Variants in HDAC4 observed in about 807,000 individuals in gnomAD.
HDAC4 encodes histone deacetylase A.
In HDAC4, 16 loss-of-function variants were observed where a neutral mutation model predicts 135.1. The observed-to-expected ratio is 0.12, with a 90% confidence interval of 0.08 to 0.18. The LOEUF is 0.18. HDAC4 is among the 10% of genes least tolerant of loss of function. The pLI is 1.00. For missense variants in HDAC4, 1,143 were observed against 1,511.8 expected, an observed-to-expected ratio of 0.76 and a Z score of 4.05; for synonymous variants, 685 against 653.4, an observed-to-expected ratio of 1.05 and a Z score of -0.74.
intron 5 of HDAC4, among the ~76,000 whole-genome samples, chr2:239,166,031 A>C (rs527272946): frequency 1.8e-4 from 27 of 152,312 alleles, no homozygotes; most frequent in African/African-American, 6.5e-4. Flanking sequence ...ACTGCTAATA[A>C]ATGATTAATA....
intron 5 of HDAC4, among the ~76,000 whole-genome samples, chr2:239,172,422 A>AT: frequency 6.6e-6 from 1 of 152,072 alleles, no homozygotes; most frequent in African/African-American, 2.4e-5. Context: ...TATATCAATA[A>AT]TTACATTAAA....
intron 24 of HDAC4, among the ~76,000 whole-genome samples, chr2:239,063,403 A>C (rs2033060929): frequency 6.6e-6 from 1 of 151,180 alleles, no homozygotes; most frequent in Non-Finnish European, 1.5e-5. Context: ...ACGGGGTTTC[A>C]CCATGTTAGC....
intron 2 of HDAC4, among the ~76,000 whole-genome samples, chr2:239,255,921 C>G (rs1252011815): frequency 1.3e-5 from 2 of 152,174 alleles, no homozygotes; most frequent in Non-Finnish European, 2.9e-5. Context: ...GAGAAATAAT[C>G]AGCAAAAGAT....
chr2:239,383,218 C>G (rs1480495181), intron 1 of HDAC4, among the ~76,000 whole-genome samples: 1 of 152,174 alleles, frequency 6.6e-6, no homozygotes, highest in Non-Finnish European at 1.5e-5. Context: ...GACCCTGGCT[C>G]CAGCCCACAG....
intron 17 of HDAC4, chr2:239,094,251 C>T (rs1378098744): frequency 5.1e-6 from 5 of 985,322 alleles, no homozygotes; most frequent in Middle Eastern, 5.2e-4. Context: ...GCCACCCCTG[C>T]CCAGGCTGCA....
At chr2:239,151,986 C>T (rs966014499) in intron 7 of HDAC4, among the ~76,000 whole-genome samples, 1 of 152,072 alleles carries the variant, frequency 6.6e-6, no homozygotes, top group African/African-American at 2.4e-5. Context: ...GGCTGGACAA[C>T]AGTTAGTTAG....
At position 239,080,165 on chromosome 2, in the gene HDAC4, C is replaced by T. The variant is rs574115665; in HGVS notation, c.2750+930G>A. On this transcript the variant is annotated intron_variant, in intron 22 of 26. Coordinates refer to ENST00000543185, the MANE Select transcript of HDAC4 (RefSeq NM_001378414.1). ...GCACGTGGACACACACATATGCAGA[C>T]GTGCACTCACATCCATACACAGACA... is the stretch of plus-strand genomic sequence containing the variant. Among the ~76,000 whole-genome samples the T allele has an allele frequency of 6.6e-5, 10 of 152,288 alleles. No homozygotes were observed. The South Asian group carries it at 8.3e-4, about 13-fold the overall frequency.
intron 11 of HDAC4, among the ~76,000 whole-genome samples, chr2:239,128,886 A>G (rs1478850345): frequency 6.6e-6 from 1 of 151,820 alleles, no homozygotes; most frequent in Non-Finnish European, 1.5e-5. Context: ...GGAACAAGCG[A>G]CTCGAGCCAG....
intron 2 of HDAC4, among the ~76,000 whole-genome samples, chr2:239,250,296 G>T (rs1448728242): frequency 1.3e-5 from 2 of 152,260 alleles, no homozygotes; most frequent in Non-Finnish European, 2.9e-5. Context: ...AGAGGTCCAG[G>T]TGATAACATC....
intron 1 of HDAC4, among the ~76,000 whole-genome samples, chr2:239,372,739 A>G (rs145950902): frequency 3.9e-4 from 59 of 152,202 alleles, no homozygotes; most frequent in Non-Finnish European, 7.8e-4. Context: ...CTCCACCATC[A>G]AACACCCAAC....
At position 239,159,448 on chromosome 2, in the gene HDAC4, AC is replaced by A. The variant is rs1365624516; in HGVS notation, c.612-2676del. Among the ~76,000 whole-genome samples, 3 of 99,306 alleles carry A rather than the reference AC, an allele frequency of 3.0e-5. No individual in the cohort carries two copies. The East Asian group carries it at 9.6e-4, about 32-fold the overall frequency. 65.1% of individuals were successfully genotyped at this position (99,306 alleles called of 152,430 possible). On this transcript the variant is annotated intron_variant, in intron 6 of 26. Transcript: ENST00000543185. ...ACTCATGCCTACCTCCCGCACTCAC[AC>A]CCATCTACCTCACACCCACTTACAC...
chr2:239,338,192 T>A lies in HDAC4; in HGVS notation c.22+14486A>T, dbSNP rs144289888. 4.7e-3 allele frequency among the ~76,000 whole-genome samples: 712 copies of A among 152,164 alleles called. 4 individuals are homozygous for A. The highest frequency in any genetic ancestry group is 8.0e-3 in the Non-Finnish European group (542 of 67,986). On this transcript the variant is annotated intron_variant, in intron 2 of 26. Coordinates refer to ENST00000543185, the MANE Select transcript of HDAC4 (RefSeq NM_001378414.1). Reference sequence around the variant, plus strand: ...ACCAGCTGGACGTGTTTTATCTCAGTCCCAAAATGCACGGTTTCTAGACCT... The same window carrying A: ...ACCAGCTGGACGTGTTTTATCTCAGACCCAAAATGCACGGTTTCTAGACCT...
chr2:239,336,525 T>C (rs878972663), intron 2 of HDAC4, among the ~76,000 whole-genome samples: 1 of 150,856 alleles, frequency 6.6e-6, no homozygotes, highest in Non-Finnish European at 1.5e-5. Context: ...AAAAAAAGAG[T>C]CCCCAAAGGA....
At chr2:239,314,322 C>G (rs556631820) in intron 2 of HDAC4, among the ~76,000 whole-genome samples, 2 of 152,178 alleles carry the variant, frequency 1.3e-5, no homozygotes, top group African/African-American at 2.4e-5. Context: ...AAAACACATA[C>G]GAAGGACACT....
At position 239,048,278 on chromosome 2, in the gene HDAC4, G is replaced by C. The variant is rs1055333; in HGVS notation, c.*4819C>G. 34,098 of 152,318 alleles carry C rather than the reference G, an allele frequency of 0.22. 4,127 individuals carry two copies. Among genetic ancestry groups the C allele is most frequent in the Admixed American group, 0.34 (5,199 of 15,286 alleles). The allele number at this position is 152,318 out of a possible 1,614,324, so 9.4% of individuals were successfully genotyped here. A position where few individuals can be genotyped will look rare whatever the true frequency, so the allele number is the denominator to read the frequency against. On this transcript the variant is annotated 3_prime_UTR_variant, in exon 27 of 27. Transcript: ENST00000543185. ...TGGAAAGAAGGTGACCGTCAGAAGA[G>C]GATATCATTGGTCGGTGAAAATCCA...
intron 1 of HDAC4, among the ~76,000 whole-genome samples, chr2:239,388,573 T>C (rs1009314660): frequency 6.6e-6 from 1 of 152,220 alleles, no homozygotes; most frequent in African/African-American, 2.4e-5. Context: ...AGAGGGCAGC[T>C]GGACCGCACG....
At chr2:239,302,460 T>C (rs1389100548) in intron 2 of HDAC4, among the ~76,000 whole-genome samples, 1 of 152,206 alleles carries the variant, frequency 6.6e-6, no homozygotes, top group Non-Finnish European at 1.5e-5. Flanking sequence ...AACCCCTTGC[T>C]CTCTTCATCA....
intron 5 of HDAC4, among the ~76,000 whole-genome samples, chr2:239,174,622 A>G (rs576095860): frequency 2.1e-4 from 32 of 152,270 alleles, no homozygotes; most frequent in Admixed American, 1.7e-3. Flanking sequence ...TGCATGCCCC[A>G]AAGTTCAACA....
chr2:239,079,724 G>A (rs1198907497), intron 22 of HDAC4, among the ~76,000 whole-genome samples: 2 of 152,068 alleles, frequency 1.3e-5, no homozygotes, highest in South Asian at 2.1e-4. Flanking sequence ...AAGCACACGT[G>A]TGTGTACTCA....
Sources: gnomAD v4.1 joint callset for allele counts (sites outside exome capture counted in the v4.1 genomes callset) on GRCh38, gnomAD v4.1.1 for gene constraint, MANE v1.5 for transcripts, NCBI Gene and HGNC (gene_info 2026-07-23, HGNC 2026-07-21) for gene names.